The following SLC5A3 variants were observed in gnomAD, a reference collection of about 807,000 sequenced individuals.
The protein encoded by SLC5A3 is solute carrier family 5 member 3.
SLC5A3 carries 10 observed loss-of-function variants against 43.2 expected under a neutral mutation model. The ratio of observed to expected loss-of-function variants is 0.23; its 90% CI spans 0.14 to 0.39. SLC5A3 has a LOEUF of 0.39. Ranked by LOEUF, SLC5A3 falls within the 10% of genes least tolerant of loss-of-function variation. SLC5A3 has a pLI of 1.00. For synonymous variants in SLC5A3, 349 were observed against 322.0 expected (o/e 1.08, Z -0.90); for missense variants, 608 against 893.4 (o/e 0.68, Z 4.07).
chr21:34,073,643 C>T lies in SLC5A3; in HGVS notation c.-439C>T. On this transcript the variant is annotated 5_prime_UTR_variant, in exon 1 of 2. Transcript: ENST00000381151. Reference sequence around the variant, plus strand: ...GGTCCCCACTGTCCCCGCCGTCCCGCCCCTTCGCGTCCCGGGAACCGGCTG... The same window carrying T: ...GGTCCCCACTGTCCCCGCCGTCCCGTCCCTTCGCGTCCCGGGAACCGGCTG... The T allele has an allele frequency of 1.4e-6, 2 of 1,463,158 alleles. No homozygotes were observed. Among genetic ancestry groups the T allele is most frequent in the East Asian group, 2.7e-5 (1 of 36,556 alleles). The allele number at this position is 1,463,158 out of a possible 1,614,324, so 90.6% of individuals were successfully genotyped here.
intron 1 of SLC5A3, 49 bp downstream of exon 1, chr21:34,073,794 T>G (rs1989248943): frequency 2.9e-6 from 4 of 1,372,970 alleles, no homozygotes; most frequent in Non-Finnish European, 3.9e-6. Flanking sequence ...GCGCCCCCGC[T>G]GCCGCTAGGC....
At chr21:34,090,160 C>T (rs770582889) in intron 1 of SLC5A3, among the ~76,000 whole-genome samples, 7 of 152,224 alleles carry the variant, frequency 4.6e-5, no homozygotes, top group Non-Finnish European at 1.0e-4. Flanking sequence ...TTTAGCTCCA[C>T]TTACAATTTA....
chr21:34,089,650 T>C (rs1430983363), intron 1 of SLC5A3, among the ~76,000 whole-genome samples: 3 of 152,162 alleles, frequency 2.0e-5, no homozygotes, highest in Non-Finnish European at 4.4e-5. Context: ...TATCCATTCT[T>C]AACCCCTCCC....
At chr21:34,083,143 T>C (rs1989496991) in intron 1 of SLC5A3, among the ~76,000 whole-genome samples, 1 of 152,212 alleles carries the variant, frequency 6.6e-6, no homozygotes, top group African/African-American at 2.4e-5. Context: ...GCTTTAATTT[T>C]GTCAGGTGAA....
chr21:34,102,585 G>A lies in SLC5A3; in HGVS notation c.*5230G>A. 1 of 1,000,064 alleles carries A rather than the reference G, an allele frequency of 1.0e-6. No homozygotes were observed. Among genetic ancestry groups the A allele is most frequent in the Non-Finnish European group, 1.2e-6 (1 of 829,850 alleles). 61.9% of individuals were successfully genotyped at this position (1,000,064 alleles called of 1,614,324 possible). A position where few individuals can be genotyped will look rare whatever the true frequency, so the allele number is the denominator to read the frequency against. On this transcript the variant is annotated 3_prime_UTR_variant, in exon 2 of 2. Coordinates refer to ENST00000381151, the MANE Select transcript of SLC5A3 (RefSeq NM_006933.7). ...TTGGGCAGTACCATACATAGTCTGA[G>A]GCTATTGACTTAAACCAATAACTGT...
Position 34,104,478 on chromosome 21 carries a change from T to C in SLC5A3, c.*7123T>C, listed in dbSNP as rs1979390316. 5 of 998,042 alleles carry C rather than the reference T, an allele frequency of 5.0e-6. No individual in the cohort carries two copies. The highest frequency in any genetic ancestry group is 6.2e-5 in the Admixed American group (1 of 16,244). 61.8% of individuals were successfully genotyped at this position (998,042 alleles called of 1,614,324 possible). On this transcript the variant is annotated 3_prime_UTR_variant, in exon 2 of 2. Coordinates refer to ENST00000381151, the MANE Select transcript of SLC5A3 (RefSeq NM_006933.7). ...ATTCTCAGAATGGGAGAGAAATGAC[T>C]ACCTTTGTTCCTACTCTTTTATATA...
At position 34,104,481 on chromosome 21, in the gene SLC5A3, C is replaced by T; in HGVS notation, c.*7126C>T. 1.0e-6 allele frequency: 1 copy of T among 998,060 alleles called. No homozygotes were observed. The highest frequency in any genetic ancestry group is 1.2e-6 in the Non-Finnish European group (1 of 828,610). The allele number at this position is 998,060 out of a possible 1,614,324, so 61.8% of individuals were successfully genotyped here. On this transcript the variant is annotated 3_prime_UTR_variant, in exon 2 of 2. Coordinates refer to ENST00000381151, the MANE Select transcript of SLC5A3 (RefSeq NM_006933.7). ...CTCAGAATGGGAGAGAAATGACTAC[C>T]TTTGTTCCTACTCTTTTATATAATT... is the stretch of plus-strand genomic sequence containing the variant.
rs776079972 is a variant in SLC5A3 at position 34,098,608 on chromosome 21, A to G, written c.*1253A>G. 187 of 1,000,180 alleles carry G rather than the reference A, an allele frequency of 1.9e-4. 1 individual carries two copies. The highest frequency in any genetic ancestry group is 1.1e-4 in the East Asian group (1 of 8,824). The allele number at this position is 1,000,180 out of a possible 1,614,324, so 62.0% of individuals were successfully genotyped here. ...ATACTTTGCTGTTGTTAGGTTGTCA[A>G]TATAGTCTTTCTGTAGGATGGATAG... On this transcript the variant is annotated 3_prime_UTR_variant, in exon 2 of 2. Coordinates refer to ENST00000381151, the MANE Select transcript of SLC5A3 (RefSeq NM_006933.7).
rs561698926 is a variant in SLC5A3 at position 34,100,650 on chromosome 21, A to G, written c.*3295A>G. The stretch of plus-strand genomic sequence containing the variant: ...GGGACCCATCACTCTGTGAAACTTC[A>G]CATTTTAAGAACTGAGTTGAGGGGG... On this transcript the variant is annotated 3_prime_UTR_variant, in exon 2 of 2. Coordinates refer to ENST00000381151, the MANE Select transcript of SLC5A3 (RefSeq NM_006933.7). 1 of 1,000,182 alleles carries G rather than the reference A, an allele frequency of 1.0e-6. No homozygotes were observed. Among genetic ancestry groups the G allele is most frequent in the Non-Finnish European group, 1.2e-6 (1 of 829,976 alleles). 62.0% of individuals were successfully genotyped at this position (1,000,182 alleles called of 1,614,324 possible). A position where few individuals can be genotyped will look rare whatever the true frequency, so the allele number is the denominator to read the frequency against.
Position 34,095,900 on chromosome 21 carries a change from C to A in SLC5A3, c.702C>A (p.Ser234=), listed in dbSNP as rs1387395112. The A allele has an allele frequency of 1.9e-6, 3 of 1,614,100 alleles. No homozygotes were observed. In the East Asian group the frequency reaches 6.7e-5, roughly 36 times the overall value. Residue 234 remains serine (S), a synonymous_variant, in exon 2 of 2, where the codon TCC becomes TCA. Coordinates refer to ENST00000381151, the MANE Select transcript of SLC5A3 (RefSeq NM_006933.7). The part of the protein sequence containing the change: ...VTSILLTYNL[S]NTNSCNVSPK... ...CCATCTTATTGACATACAACCTTTC[C>A]AACACAAATTCTTGTAATGTCTCCC...
At chr21:34,076,491 A>T (rs771176811) in intron 1 of SLC5A3, among the ~76,000 whole-genome samples, 3 of 152,244 alleles carry the variant, frequency 2.0e-5, no homozygotes, top group African/African-American at 7.2e-5. Context: ...TTCCAATACT[A>T]TGTTTTTCTC....
At chr21:34,086,433 C>T (rs1408499779) in intron 1 of SLC5A3, among the ~76,000 whole-genome samples, 2 of 151,846 alleles carry the variant, frequency 1.3e-5, no homozygotes, top group Admixed American at 6.6e-5. Flanking sequence ...CAGGGCTTAC[C>T]GGTGGTGATT....
rs761169491 is a variant in SLC5A3 at position 34,095,637 on chromosome 21, G to T, written c.439G>T (p.Ala147Ser). 5.0e-6 allele frequency: 8 copies of T among 1,610,688 alleles called. No homozygotes were observed. The Admixed American group carries it at 8.4e-5, about 17-fold the overall frequency. Reference protein sequence around the residue: ...TKLSVDLYSGALFIQESLGWN... With the variant: ...TKLSVDLYSGSLFIQESLGWN... ...GCTCTCGGTGGATCTGTATTCGGGTGCCCTTTTTATCCAGGAGTCTTTGGG... is the reference window on the plus strand; with the variant it reads ...GCTCTCGGTGGATCTGTATTCGGGTTCCCTTTTTATCCAGGAGTCTTTGGG... The change falls in exon 2 of 2, where the codon GCC (alanine) becomes TCC (serine). Residue 147 changes from alanine (A) to serine (S), a missense_variant. This residue lies in a region of SLC5A3 where 398 missense variants were observed against 668.6 expected (regional missense o/e 0.60). Transcript: ENST00000381151.
At chr21:34,079,278 A>G (rs1989404663) in intron 1 of SLC5A3, among the ~76,000 whole-genome samples, 1 of 152,164 alleles carries the variant, frequency 6.6e-6, no homozygotes, top group Admixed American at 6.5e-5. Flanking sequence ...TTGGAACATG[A>G]CCCTGTTCTT....
chr21:34,082,056 T>C (rs758713932), intron 1 of SLC5A3, among the ~76,000 whole-genome samples: 4 of 101,364 alleles, frequency 3.9e-5, no homozygotes, highest in African/African-American at 8.3e-5. Context: ...GGAAATCTGG[T>C]TTTTTTTTTT....
At position 34,101,217 on chromosome 21, in the gene SLC5A3, C is replaced by T; in HGVS notation, c.*3862C>T. ...ACAACAAATATTAGCTTAAAATCTG[C>T]ATATGTAGAATCATTTTCATTAGAT... On this transcript the variant is annotated 3_prime_UTR_variant, in exon 2 of 2. Coordinates refer to ENST00000381151, the MANE Select transcript of SLC5A3 (RefSeq NM_006933.7). The T allele has an allele frequency of 2.0e-6, 2 of 999,910 alleles. No individual in the cohort carries two copies. Among genetic ancestry groups the T allele is most frequent in the African/African-American group, 3.5e-5 (2 of 57,318 alleles). The allele number at this position is 999,910 out of a possible 1,614,324, so 61.9% of individuals were successfully genotyped here.
chr21:34,075,668 T>C (rs985655418), intron 1 of SLC5A3, among the ~76,000 whole-genome samples: 13 of 152,194 alleles, frequency 8.5e-5, no homozygotes, highest in Non-Finnish European at 1.9e-4. Flanking sequence ...GGCGAAGTTA[T>C]GTTGAGGAGA....
Position 34,100,886 on chromosome 21 carries a change from TTGC to T in SLC5A3, c.*3533_*3535del. On this transcript the variant is annotated 3_prime_UTR_variant, in exon 2 of 2. Transcript: ENST00000381151. ...AGCGGCTTATTAGCTACTCAGTTAC[TTGC>T]TACTCAAAGGTTAGGTCTTCCCTGT... The T allele has an allele frequency of 3.0e-6, 3 of 1,000,220 alleles. No homozygotes were observed. The highest frequency in any genetic ancestry group is 3.6e-6 in the Non-Finnish European group (3 of 829,948). The allele number at this position is 1,000,220 out of a possible 1,614,324, so 62.0% of individuals were successfully genotyped here.
At position 34,101,929 on chromosome 21, in the gene SLC5A3, A is replaced by G. The variant is rs1037309046; in HGVS notation, c.*4574A>G. 5.0e-6 allele frequency: 5 copies of G among 1,000,074 alleles called. No individual in the cohort carries two copies. In the Admixed American group the frequency reaches 1.8e-4, roughly 37 times the overall value. The allele number at this position is 1,000,074 out of a possible 1,614,324, so 62.0% of individuals were successfully genotyped here. ...AGCCCCTTTGAAATGATGGTGTCAGAGTGCAGAGAAACAATGGAGTTTTGA... is the reference window on the plus strand; with the variant it reads ...AGCCCCTTTGAAATGATGGTGTCAGGGTGCAGAGAAACAATGGAGTTTTGA... On this transcript the variant is annotated 3_prime_UTR_variant, in exon 2 of 2. Transcript: ENST00000381151.
Sources: allele counts gnomAD v4.1 joint callset (sites outside exome capture counted in the v4.1 genomes callset), GRCh38; gene constraint gnomAD v4.1.1; regional missense constraint gnomAD v4.1.1; transcripts MANE v1.5; gene names NCBI Gene and HGNC (gene_info 2026-07-23, HGNC 2026-07-21).